TXNL1: variants seen among roughly 807,000 people sequenced by gnomAD.
TXNL1 encodes the protein thioredoxin like 1.
Under a neutral mutation model 35.5 loss-of-function variants are expected in TXNL1, and 14 were observed. The ratio of observed to expected loss-of-function variants is 0.39; its 90% confidence interval spans 0.26 to 0.62. The LOEUF (loss-of-function observed/expected upper bound fraction) is 0.62, where lower values mean the gene tolerates loss of function less well. TXNL1 is among the 20% of genes least tolerant of loss of function. TXNL1 has a pLI of 0.47. For synonymous variants in TXNL1, 110 were observed against 115.5 expected (o/e 0.95, Z 0.31); for missense variants, 263 against 349.7 (o/e 0.75, Z 1.98).
intron 1 of TXNL1, among the ~76,000 whole-genome samples, chr18:56,635,042 G>A (rs960713377): frequency 1.3e-5 from 2 of 152,084 alleles, no homozygotes; most frequent in Admixed American, 6.6e-5. Flanking sequence ...TGGGAGGGTC[G>A]CTTGAAGCCA....
At chr18:56,604,847 C>T (rs1192953125) in intron 7 of TXNL1, among the ~76,000 whole-genome samples, 1 of 152,098 alleles carries the variant, frequency 6.6e-6, no homozygotes, top group African/African-American at 2.4e-5. Context: ...CATAAAAGAA[C>T]TTGATGCAAC....
chr18:56,625,266 GTAGCACATGTGAGC>G (rs1437752798), intron 2 of TXNL1, among the ~76,000 whole-genome samples: 2 of 152,062 alleles, frequency 1.3e-5, no homozygotes, highest in East Asian at 3.8e-4. Context: ...CAATGGATAT[GTAGCACATGTGAGC>G]TACACATGCA....
chr18:56,613,281 A>G (rs1264265649), intron 6 of TXNL1, among the ~76,000 whole-genome samples: 2 of 152,224 alleles, frequency 1.3e-5, no homozygotes, highest in Non-Finnish European at 2.9e-5. Context: ...CCAGTTTGGC[A>G]TGACATTCTC....
chr18:56,605,401 C>T (rs2023874628), intron 7 of TXNL1: 1 of 152,050 alleles, frequency 6.6e-6, no homozygotes, highest in Non-Finnish European at 1.5e-5. Flanking sequence ...AATAAACAGA[C>T]AGAAATGTTA....
In TXNL1 at chr18:56,599,476, G is replaced by A. The variant is rs1385268771; in HGVS notation, c.*3551C>T. 1.3e-5 allele frequency: 2 copies of A among 151,746 alleles called. No individual in the cohort carries two copies. The highest frequency in any genetic ancestry group is 4.8e-5 in the African/African-American group (2 of 41,312). The allele number at this position is 151,746 out of a possible 1,614,324, so 9.4% of individuals were successfully genotyped here. Reference sequence around the variant, plus strand: ...AAGCATAATCTATATTTACAAAACTGTAAAATACACACCTCTAATAATGAG... The same window carrying A: ...AAGCATAATCTATATTTACAAAACTATAAAATACACACCTCTAATAATGAG... On this transcript the variant is annotated 3_prime_UTR_variant, in exon 8 of 8. Coordinates refer to ENST00000217515, the MANE Select transcript of TXNL1 (RefSeq NM_004786.3).
intron 1 of TXNL1, among the ~76,000 whole-genome samples, chr18:56,632,520 A>G (rs549192558): frequency 7.2e-5 from 11 of 152,048 alleles, no homozygotes; most frequent in Non-Finnish European, 1.6e-4. Flanking sequence ...CCAGAACCCA[A>G]CTCTTAACAG....
At chr18:56,620,508 T>C (rs80254237) in intron 3 of TXNL1, among the ~76,000 whole-genome samples, 5,389 of 152,334 alleles carry the variant, frequency 0.035, 118 homozygotes, top group South Asian at 0.1. Context: ...TGTAAAGTCA[T>C]AGAAGCCTTT....
At chr18:56,620,248 G>A (rs2144310481) in intron 3 of TXNL1, among the ~76,000 whole-genome samples, 1 of 152,248 alleles carries the variant, frequency 6.6e-6, no homozygotes, top group African/African-American at 2.4e-5. Context: ...TTACAGGCAT[G>A]AGCCACCACA....
chr18:56,616,235 C>T lies in TXNL1; in HGVS notation c.562+10G>A, dbSNP rs1351337289. 6.2e-7 allele frequency: 1 copy of T among 1,611,656 alleles called. No homozygotes were observed. The highest frequency in any genetic ancestry group is 8.5e-7 in the Non-Finnish European group (1 of 1,178,604). ...GAAGTTAGTTTAAAGAAAAGCTATCCTTTACTCACCATTATCTGGCCCTTG... is the reference window on the plus strand; with the variant it reads ...GAAGTTAGTTTAAAGAAAAGCTATCTTTTACTCACCATTATCTGGCCCTTG... On this transcript the variant is annotated intron_variant, in intron 5 of 7. Coordinates refer to ENST00000217515, the MANE Select transcript of TXNL1 (RefSeq NM_004786.3).
intron 3 of TXNL1, among the ~76,000 whole-genome samples, chr18:56,622,649 A>G (rs1207704476): frequency 2.6e-5 from 4 of 152,184 alleles, no homozygotes; most frequent in African/African-American, 9.7e-5. Flanking sequence ...CCTATTTCCT[A>G]TCTGAGGCCA....
rs1035691128 is a variant in TXNL1 at position 56,635,041 on chromosome 18, C to T, written c.98+3302G>A. ...ATTTGGGATGCTGACGTGGGAGGGT[C>T]GCTTGAAGCCAGGATTTAGACCAGC... is the stretch of plus-strand genomic sequence containing the variant. On this transcript the variant is annotated intron_variant, in intron 1 of 7. Coordinates refer to ENST00000217515, the MANE Select transcript of TXNL1 (RefSeq NM_004786.3). Among the ~76,000 whole-genome samples, 7 of 152,092 alleles carry T rather than the reference C, an allele frequency of 4.6e-5. No individual in the cohort carries two copies. The East Asian group carries it at 5.8e-4, about 13-fold the overall frequency.
intron 4 of TXNL1, 138 bp downstream of exon 4, chr18:56,617,862 CAAAG>C (rs1281262235): frequency 9.4e-6 from 11 of 1,172,194 alleles, no homozygotes; most frequent in Non-Finnish European, 1.3e-5. Context: ...AAACAAAAGT[CAAAG>C]AAACTAAAAG....
chr18:56,614,870 T>G (rs1326743271), intron 5 of TXNL1, among the ~76,000 whole-genome samples: 1 of 151,658 alleles, frequency 6.6e-6, no homozygotes, highest in Non-Finnish European at 1.5e-5. Flanking sequence ...ACAGAGGGAG[T>G]CCCTGCCCCC....
chr18:56,599,337 A>C lies in TXNL1; in HGVS notation c.*3690T>G, dbSNP rs1200706049. Reference sequence around the variant, plus strand: ...AAAACTTGAATTTTGAAACATGCTTAAAATGACATCAGTAGTCTTCCTTAA... The same window carrying C: ...AAAACTTGAATTTTGAAACATGCTTCAAATGACATCAGTAGTCTTCCTTAA... On this transcript the variant is annotated 3_prime_UTR_variant, in exon 8 of 8. Transcript: ENST00000217515. The C allele has an allele frequency of 6.6e-6, 1 of 152,086 alleles. No homozygotes were observed. Among genetic ancestry groups the C allele is most frequent in the African/African-American group, 2.4e-5 (1 of 41,424 alleles). The allele number at this position is 152,086 out of a possible 1,614,324, so 9.4% of individuals were successfully genotyped here. A position where few individuals can be genotyped will look rare whatever the true frequency, so the allele number is the denominator to read the frequency against.
At chr18:56,603,984 T>G (rs1207494675) in intron 7 of TXNL1, among the ~76,000 whole-genome samples, 1 of 152,206 alleles carries the variant, frequency 6.6e-6, no homozygotes, top group East Asian at 1.9e-4. Flanking sequence ...AGGTCATCAG[T>G]ACATGTCTGG....
chr18:56,614,473 C>A lies in TXNL1; in HGVS notation c.686G>T (p.Gly229Val), dbSNP rs2024050228. The A allele has an allele frequency of 1.2e-6, 2 of 1,613,814 alleles. No homozygotes were observed. The highest frequency in any genetic ancestry group is 1.3e-5 in the African/African-American group (1 of 75,004). ...CTTAACATAACGAAGTGGAACAATG[C>A]CATCTTCTTTAATATCATCCTCTGT... is the stretch of plus-strand genomic sequence containing the variant. Reference protein sequence around the residue: ...ELTEDDIKEDGIVPLRYVKFQ... With the variant: ...ELTEDDIKEDVIVPLRYVKFQ... Residue 229 changes from glycine (G) to valine (V), a missense_variant, in exon 6 of 8, where the codon GGC becomes GTC. Physicochemically the swap from Gly to Val is moderately radical, Grantham distance 109. Coordinates refer to ENST00000217515, the MANE Select transcript of TXNL1 (RefSeq NM_004786.3).
chr18:56,620,634 C>A (rs531980317), intron 3 of TXNL1, among the ~76,000 whole-genome samples: 1 of 152,164 alleles, frequency 6.6e-6, no homozygotes, highest in East Asian at 1.9e-4. Flanking sequence ...GAAAAGTATC[C>A]ATTTTATCTC....
In TXNL1 at chr18:56,601,384, A is replaced by T. The variant is rs937392470; in HGVS notation, c.*1643T>A. The T allele has an allele frequency of 3.9e-5, 6 of 152,250 alleles. No homozygotes were observed. Among genetic ancestry groups the T allele is most frequent in the Admixed American group, 2.0e-4 (3 of 15,288 alleles). The allele number at this position is 152,250 out of a possible 1,614,324, so 9.4% of individuals were successfully genotyped here. On this transcript the variant is annotated 3_prime_UTR_variant, in exon 8 of 8. Coordinates refer to ENST00000217515, the MANE Select transcript of TXNL1 (RefSeq NM_004786.3). ...ATTTGTTTCACTGGGTTTTCAAACTATCAAGTATAAATAGGAAAAGGTCAG... is the reference window on the plus strand; with the variant it reads ...ATTTGTTTCACTGGGTTTTCAAACTTTCAAGTATAAATAGGAAAAGGTCAG...
Position 56,599,197 on chromosome 18 carries a change from T to C in TXNL1, c.*3830A>G, listed in dbSNP as rs184614641. 2 of 152,190 alleles carry C rather than the reference T, an allele frequency of 1.3e-5. No homozygotes were observed. The highest frequency in any genetic ancestry group is 4.8e-5 in the African/African-American group (2 of 41,504). The allele number at this position is 152,190 out of a possible 1,614,324, so 9.4% of individuals were successfully genotyped here. A position where few individuals can be genotyped will look rare whatever the true frequency, so the allele number is the denominator to read the frequency against. ...TTACACATTCTCCAACTAATAATTT[T>C]ACATGGACCACAAAGTTTAAAAGCG... On this transcript the variant is annotated 3_prime_UTR_variant, in exon 8 of 8. Coordinates refer to ENST00000217515, the MANE Select transcript of TXNL1 (RefSeq NM_004786.3).
Sources: gnomAD v4.1 joint callset for allele counts (sites outside exome capture counted in the v4.1 genomes callset) on GRCh38, gnomAD v4.1.1 for gene constraint, MANE v1.5 for transcripts, NCBI Gene and HGNC (gene_info 2026-07-23, HGNC 2026-07-21) for gene names.